The following LRRIQ3 variants were observed in gnomAD, a reference collection of about 807,000 sequenced individuals.
LRRIQ3 encodes leucine rich repeats and IQ motif containing 3.
In LRRIQ3, 75 loss-of-function variants were observed where a neutral mutation model predicts 59.3. The observed-to-expected ratio is 1.26, with a 90% CI of 1.05 to 1.53. LRRIQ3 has a LOEUF of 1.53. Among genes scored for constraint, LRRIQ3 ranks in the 40% most tolerant of loss-of-function variants. The pLI, the probability that LRRIQ3 is intolerant of heterozygous loss-of-function variation, is 0.00. For synonymous variants in LRRIQ3, 250 were observed against 231.3 expected (o/e 1.08, Z -0.73); for missense variants, 831 against 710.0 (o/e 1.17, Z -1.94).
intron 4 of LRRIQ3, among the ~76,000 whole-genome samples, chr1:74,148,908 A>AT (rs1172248326): frequency 6.6e-6 from 1 of 152,164 alleles, no homozygotes; most frequent in East Asian, 1.9e-4. Context: ...ATTGGCTTAT[A>AT]ATAGGCACAC....
At chr1:74,154,273 A>C (rs1280595203) in intron 4 of LRRIQ3, among the ~76,000 whole-genome samples, 2 of 135,990 alleles carry the variant, frequency 1.5e-5, no homozygotes, top group East Asian at 4.4e-4. Context: ...AAAAAAAAAA[A>C]AAAAAATGTA....
Position 74,090,326 on chromosome 1 carries a change from G to GTT in LRRIQ3, c.868-15538_868-15537dup, listed in dbSNP as rs35791047. ...AATGGAATAAAAAATCTACAAAATA[G>GTT]TTTTTTTTTTAAAACTGAAGTGCTA... On this transcript the variant is annotated intron_variant, in intron 5 of 7. Transcript: ENST00000354431. Among the ~76,000 whole-genome samples the GTT allele has an allele frequency of 2.7e-3, 405 of 149,998 alleles. 3 individuals are homozygous for GTT. In the East Asian group the frequency reaches 0.027, roughly 10 times the overall value.
chr1:74,029,311 T>C (rs916409287), intron 7 of LRRIQ3, among the ~76,000 whole-genome samples: 9 of 152,218 alleles, frequency 5.9e-5, no homozygotes, highest in African/African-American at 1.9e-4. Context: ...AAGGGAATGC[T>C]TCCAGTTTTT....
At chr1:74,181,218 C>A (rs1271742465) in intron 3 of LRRIQ3, 1 of 156,344 alleles carries the variant, frequency 6.4e-6, no homozygotes, top group African/African-American at 2.4e-5. Flanking sequence ...CTGCCTATAT[C>A]AATCCTAATC....
At chr1:74,029,628 A>G (rs1012188062) in intron 7 of LRRIQ3, among the ~76,000 whole-genome samples, 2 of 152,036 alleles carry the variant, frequency 1.3e-5, no homozygotes, top group African/African-American at 4.8e-5. Context: ...TTTTGCATCG[A>G]TGTTCACCAG....
At chr1:74,136,976 T>TA (rs1647134358) in intron 4 of LRRIQ3, among the ~76,000 whole-genome samples, 1 of 151,978 alleles carries the variant, frequency 6.6e-6, no homozygotes, top group African/African-American at 2.4e-5. Flanking sequence ...TGCTGTTTGT[T>TA]AAAAACATGT....
chr1:74,173,039 C>T (rs147338642), intron 3 of LRRIQ3, among the ~76,000 whole-genome samples: 145 of 152,134 alleles, frequency 9.5e-4, no homozygotes, highest in African/African-American at 3.3e-3. Context: ...CAGTGGCTCA[C>T]GCCTGTAATC....
intron 6 of LRRIQ3, among the ~76,000 whole-genome samples, chr1:74,066,222 C>T (rs984395699): frequency 6.7e-6 from 1 of 150,280 alleles, no homozygotes; most frequent in Non-Finnish European, 1.5e-5. Context: ...TGTACCCATA[C>T]CTTAATATTT....
intron 4 of LRRIQ3, among the ~76,000 whole-genome samples, chr1:74,150,987 G>A (rs371462764): frequency 3.6e-4 from 51 of 141,150 alleles, no homozygotes; most frequent in African/African-American, 1.3e-3. Flanking sequence ...TAGTTTGCCA[G>A]AAATAGTTAT....
In LRRIQ3 at chr1:74,109,517, T is replaced by C. The variant is rs561324453; in HGVS notation, c.744A>G (p.Lys248=). Residue 248 remains lysine, a synonymous_variant, in exon 5 of 8, where the codon AAA becomes AAG. Coordinates refer to ENST00000354431, the MANE Select transcript of LRRIQ3 (RefSeq NM_001105659.2). Reference sequence around the variant, plus strand: ...ATTTTGCTTCATATCCTCTAATAATTTTTTCCTGCTGTTTTTTTTTGTGGA... The same window carrying C: ...ATTTTGCTTCATATCCTCTAATAATCTTTTCCTGCTGTTTTTTTTTGTGGA... ...VFFHKKKQQE[K]IIRGYEAKWI... The C allele has an allele frequency of 2.6e-6, 4 of 1,566,904 alleles. No individual in the cohort carries two copies. Among genetic ancestry groups the C allele is most frequent in the Non-Finnish European group, 3.4e-6 (4 of 1,162,692 alleles).
intron 5 of LRRIQ3, chr1:74,084,249 T>C (rs1278699237): frequency 2.0e-6 from 3 of 1,531,126 alleles, no homozygotes; most frequent in African/African-American, 2.8e-5. Context: ...AGTTTAAAGA[T>C]GGAAAAAATC....
At chr1:74,143,578 C>A (rs1473854957) in intron 4 of LRRIQ3, among the ~76,000 whole-genome samples, 1 of 151,654 alleles carries the variant, frequency 6.6e-6, no homozygotes, top group Non-Finnish European at 1.5e-5. Flanking sequence ...CTTTAAGAAA[C>A]TTGTGCTACT....
At chr1:74,055,101 T>G (rs1414693386) in intron 6 of LRRIQ3, among the ~76,000 whole-genome samples, 1 of 147,334 alleles carries the variant, frequency 6.8e-6, no homozygotes, top group Non-Finnish European at 1.5e-5. Context: ...TATCACAGAA[T>G]AACACAACCA....
chr1:74,119,750 T>A (rs1646826416), intron 4 of LRRIQ3, among the ~76,000 whole-genome samples: 2 of 152,100 alleles, frequency 1.3e-5, no homozygotes, highest in Admixed American at 6.6e-5. Flanking sequence ...TATACACAGC[T>A]CTTTTTAGGG....
At chr1:74,044,880 T>C (rs531284324) in intron 6 of LRRIQ3, among the ~76,000 whole-genome samples, 2 of 152,292 alleles carry the variant, frequency 1.3e-5, no homozygotes, top group East Asian at 3.9e-4. Context: ...GATAAATTCC[T>C]GGACACTACA....
intron 6 of LRRIQ3, among the ~76,000 whole-genome samples, chr1:74,063,661 C>G (rs1654791090): frequency 3.9e-5 from 6 of 151,974 alleles, no homozygotes; most frequent in African/African-American, 7.2e-5. Context: ...TTTCTAGCAA[C>G]ACTGTTTTTT....
chr1:74,119,266 T>G (rs182341935), intron 4 of LRRIQ3, among the ~76,000 whole-genome samples: 29 of 152,208 alleles, frequency 1.9e-4, no homozygotes, highest in African/African-American at 6.5e-4. Flanking sequence ...ATCTAATTGC[T>G]GATATAATTT....
chr1:74,153,548 T>C (rs1395925065), intron 4 of LRRIQ3, among the ~76,000 whole-genome samples: 1 of 152,220 alleles, frequency 6.6e-6, no homozygotes, highest in Non-Finnish European at 1.5e-5. Context: ...TCTCCATTTG[T>C]TGATGTATTA....
intron 4 of LRRIQ3, among the ~76,000 whole-genome samples, chr1:74,139,073 C>T (rs1570189616): frequency 6.8e-6 from 1 of 147,072 alleles, no homozygotes; most frequent in African/African-American, 2.5e-5. Flanking sequence ...TATATATATA[C>T]ACATATATGT....
Sources: allele counts gnomAD v4.1 joint callset (sites outside exome capture counted in the v4.1 genomes callset), GRCh38; gene constraint gnomAD v4.1.1; transcripts MANE v1.5; gene names NCBI Gene and HGNC (gene_info 2026-07-23, HGNC 2026-07-21).